The following CADM1 variants were observed in gnomAD, a reference collection of about 807,000 sequenced individuals.
CADM1 encodes the protein cell adhesion molecule 1.
In CADM1, 15 loss-of-function variants were observed where a neutral mutation model predicts 53.1. The observed-to-expected ratio is 0.28, with a 90% CI of 0.19 to 0.44. CADM1 has a LOEUF of 0.44. CADM1 is among the 20% of genes least tolerant of loss of function. The probability of loss-of-function intolerance (pLI) is 1.00; values close to 1 mark genes in which losing one functional copy is unlikely to be tolerated. For synonymous variants in CADM1, 281 were observed against 243.0 expected (o/e 1.16, Z -1.45); for missense variants, 434 against 611.3 (o/e 0.71, Z 3.06).
chr11:115,229,024 TA>T, intron 5 of CADM1, 88 bp downstream of exon 5: 1 of 1,198,734 alleles, frequency 8.3e-7, no homozygotes, highest in Non-Finnish European at 1.2e-6. Context: ...GTATACTATA[TA>T]AAATGAATGC....
intron 11 of CADM1, among the ~76,000 whole-genome samples, 159 bp downstream of exon 11, chr11:115,178,483 GTT>G (rs375004893): frequency 3.7e-5 from 5 of 133,814 alleles, no homozygotes; most frequent in Admixed American, 1.5e-4. Flanking sequence ...TTCTGGTTTT[GTT>G]TTTTTTTTTT....
chr11:115,496,234 A>G (rs1429242294), intron 1 of CADM1, among the ~76,000 whole-genome samples: 1 of 152,222 alleles, frequency 6.6e-6, no homozygotes, highest in Non-Finnish European at 1.5e-5. Flanking sequence ...TTGTGGGTTG[A>G]GGTACCTTTT....
At chr11:115,402,778 A>G (rs1947195724) in intron 1 of CADM1, among the ~76,000 whole-genome samples, 2 of 152,194 alleles carry the variant, frequency 1.3e-5, no homozygotes. Context: ...GAGGGGAAAT[A>G]GCACCTTTGT....
chr11:115,211,182 G>C (rs954017904), intron 7 of CADM1, among the ~76,000 whole-genome samples: 1 of 124,882 alleles, frequency 8.0e-6, no homozygotes, highest in East Asian at 2.0e-4. Flanking sequence ...TTTTTATGGA[G>C]GCCACAGGTA....
chr11:115,455,568 T>C (rs1948666413), intron 1 of CADM1, among the ~76,000 whole-genome samples: 1 of 152,150 alleles, frequency 6.6e-6, no homozygotes, highest in Admixed American at 6.6e-5. Flanking sequence ...TCAAGTTTCT[T>C]AAGAAATTCT....
At chr11:115,400,255 G>A (rs1283467573) in intron 1 of CADM1, among the ~76,000 whole-genome samples, 1 of 152,026 alleles carries the variant, frequency 6.6e-6, no homozygotes, top group East Asian at 1.9e-4. Context: ...TCAGGATAGG[G>A]AAGAGGCAGG....
At chr11:115,346,363 A>T (rs997210680) in intron 1 of CADM1, among the ~76,000 whole-genome samples, 2 of 152,128 alleles carry the variant, frequency 1.3e-5, no homozygotes, top group African/African-American at 4.8e-5. Flanking sequence ...AATCAACTCT[A>T]AATAACTTCA....
chr11:115,279,573 G>A (rs1943532519), intron 1 of CADM1, among the ~76,000 whole-genome samples: 1 of 152,134 alleles, frequency 6.6e-6, no homozygotes. Flanking sequence ...ACAAGTTATA[G>A]GTGAAAACTG....
chr11:115,475,915 CA>C (rs34440356), intron 1 of CADM1, among the ~76,000 whole-genome samples: 1 of 151,690 alleles, frequency 6.6e-6, no homozygotes, highest in Non-Finnish European at 1.5e-5. Flanking sequence ...GAACTCTACC[CA>C]AAAAAAGTAA....
chr11:115,357,703 TG>T (rs1945913634), intron 1 of CADM1, among the ~76,000 whole-genome samples: 1 of 152,242 alleles, frequency 6.6e-6, no homozygotes. Flanking sequence ...ACCCAGCATA[TG>T]GCAAGTGCTC....
At chr11:115,471,907 G>C (rs1294330099) in intron 1 of CADM1, among the ~76,000 whole-genome samples, 1 of 152,186 alleles carries the variant, frequency 6.6e-6, no homozygotes, top group Non-Finnish European at 1.5e-5. Flanking sequence ...AAGAGTTCAT[G>C]TACAGAAGCT....
intron 1 of CADM1, among the ~76,000 whole-genome samples, chr11:115,244,174 T>C (rs939806706): frequency 6.6e-6 from 1 of 152,214 alleles, no homozygotes; most frequent in African/African-American, 2.4e-5. Context: ...CTCATCACAA[T>C]GAAGAGAAAG....
chr11:115,175,081 G>A lies in CADM1; in HGVS notation c.*1393C>T, dbSNP rs1938961916. 1 of 985,760 alleles carries A rather than the reference G, an allele frequency of 1.0e-6. No homozygotes were observed. The highest frequency in any genetic ancestry group is 6.1e-5 in the Admixed American group (1 of 16,268). 61.1% of individuals were successfully genotyped at this position (985,760 alleles called of 1,614,324 possible). A position where few individuals can be genotyped will look rare whatever the true frequency, so the allele number is the denominator to read the frequency against. ...AGGCTGAGGAAAGAGGCCAAGGCTA[G>A]TGTATGAAAGGTAAAAAGATAAAAA... On this transcript the variant is annotated 3_prime_UTR_variant, in exon 12 of 12. Coordinates refer to ENST00000331581, the MANE Select transcript of CADM1 (RefSeq NM_001301043.2).
intron 1 of CADM1, among the ~76,000 whole-genome samples, chr11:115,463,994 A>G (rs1051348917): frequency 6.6e-5 from 10 of 152,318 alleles, no homozygotes; most frequent in African/African-American, 1.7e-4. Flanking sequence ...ATTATCCCAT[A>G]GGCCTTTAAG....
At chr11:115,228,414 A>G (rs565587478) in intron 5 of CADM1, among the ~76,000 whole-genome samples, 1 of 152,226 alleles carries the variant, frequency 6.6e-6, no homozygotes, top group East Asian at 1.9e-4. Context: ...TTCAGTATGC[A>G]TACTCAAAGA....
At chr11:115,240,244 C>T in intron 2 of CADM1, 30 bp downstream of exon 2, 8 of 1,610,216 alleles carry the variant, frequency 5.0e-6, no homozygotes, top group Non-Finnish European at 6.8e-6. Flanking sequence ...AAAAAAGTTG[C>T]CATCTACAAC....
intron 8 of CADM1, among the ~76,000 whole-genome samples, chr11:115,208,838 C>CA (rs1201354919): frequency 2.0e-5 from 3 of 152,116 alleles, no homozygotes; most frequent in African/African-American, 7.2e-5. Context: ...CACTGGATGC[C>CA]AGGAAGGGCT....
chr11:115,366,406 A>G (rs182540661), intron 1 of CADM1, among the ~76,000 whole-genome samples: 2 of 152,344 alleles, frequency 1.3e-5, no homozygotes, highest in African/African-American at 4.8e-5. Context: ...CAGGCAGTGC[A>G]TTTTACACAC....
intron 1 of CADM1, among the ~76,000 whole-genome samples, chr11:115,453,022 G>A (rs542254153): frequency 2.6e-4 from 40 of 151,958 alleles, no homozygotes; most frequent in Admixed American, 9.2e-4. Flanking sequence ...AACTAACCAG[G>A]TAGATAAAAT....
Sources: allele counts gnomAD v4.1 joint callset (sites outside exome capture counted in the v4.1 genomes callset), GRCh38; gene constraint gnomAD v4.1.1; transcripts MANE v1.5; gene names NCBI Gene and HGNC (gene_info 2026-07-23, HGNC 2026-07-21).